ISL1: variants seen among roughly 807,000 people sequenced by gnomAD.
ISL1 encodes the protein ISL LIM homeobox 1, also known as insulin gene enhancer protein ISL-1.
Under a neutral mutation model 35.3 loss-of-function variants are expected in ISL1, and 4 were observed. The ratio of observed to expected loss-of-function variants is 0.11; its 90% CI spans 0.06 to 0.26. ISL1 has a LOEUF of 0.26. ISL1 is among the 10% of genes least tolerant of loss of function. The pLI is 1.00. For missense variants in ISL1, 340 were observed against 472.8 expected, an observed-to-expected ratio of 0.72 and a Z score of 2.60; for synonymous variants, 186 against 172.3, an observed-to-expected ratio of 1.08 and a Z score of -0.62.
At chr5:51,388,789 G>A (rs748362391) in intron 3 of ISL1, among the ~76,000 whole-genome samples, 1 of 152,134 alleles carries the variant, frequency 6.6e-6, no homozygotes, top group Non-Finnish European at 1.5e-5. Context: ...CACGGCTGGG[G>A]TGGTGCTCCT....
At position 51,387,610 on chromosome 5, in the gene ISL1, G is replaced by A; in HGVS notation, c.339G>A (p.Gln113=). 1.9e-6 allele frequency: 3 copies of A among 1,614,258 alleles called. No individual in the cohort carries two copies. Among genetic ancestry groups the A allele is most frequent in the Non-Finnish European group, 2.5e-6 (3 of 1,180,054 alleles). The change falls in exon 3 of 6, where the codon CAG becomes CAA. Residue 113 remains glutamine, a synonymous_variant. Transcript: ENST00000230658. This position sits in a 1 kb window ranked among gnomAD's most constrained non-coding sequence, Gnocchi z 4.3. ...ECFRCVACSR[Q]LIPGDEFALR... ...TCCGCTGTGTGGCCTGCAGCCGCCA[G>A]CTCATCCCTGGGGACGAATTTGCGC... is the stretch of plus-strand genomic sequence containing the variant.
In ISL1 at chr5:51,393,648, A is replaced by C; in HGVS notation, c.*38A>C. 7.6e-7 allele frequency: 1 copy of C among 1,310,210 alleles called. No individual in the cohort carries two copies. The highest frequency in any genetic ancestry group is 1.7e-5 in the Admixed American group (1 of 59,634). The allele number at this position is 1,310,210 out of a possible 1,614,324, so 81.2% of individuals were successfully genotyped here. ...CTGTATTTTTTTTCCCTGTTGGAGA[A>C]AGTGGGAAATTATAATGTCGAACTC... On this transcript the variant is annotated 3_prime_UTR_variant, in exon 6 of 6. Coordinates refer to ENST00000230658, the MANE Select transcript of ISL1 (RefSeq NM_002202.3).
At chr5:51,392,693 G>A (rs867177387) in intron 5 of ISL1, among the ~76,000 whole-genome samples, 8 of 152,204 alleles carry the variant, frequency 5.3e-5, no homozygotes, top group African/African-American at 1.9e-4. Context: ...GGAAGGTAAG[G>A]GGAGGCTTCA....
chr5:51,390,214 T>G (rs1747460080), intron 4 of ISL1, among the ~76,000 whole-genome samples: 1 of 152,186 alleles, frequency 6.6e-6, no homozygotes. Context: ...CCACCTCGCC[T>G]GTACCTGTGA....
At position 51,389,559 on chromosome 5, in the gene ISL1, A is replaced by C. The variant is rs1486016817; in HGVS notation, c.479-87A>C. 6 of 1,244,536 alleles carry C rather than the reference A, an allele frequency of 4.8e-6. No homozygotes were observed. The highest frequency in any genetic ancestry group is 6.2e-6 in the Non-Finnish European group (6 of 965,954). 77.1% of individuals were successfully genotyped at this position (1,244,536 alleles called of 1,614,324 possible). A position where few individuals can be genotyped will look rare whatever the true frequency, so the allele number is the denominator to read the frequency against. ...CAAGTAAGCGGGCGGGCGGGCGGGC[A>C]AGCGAGCGAGCGAGCGAGCGCGCGA... On this transcript the variant is annotated intron_variant, in intron 3 of 5. Transcript: ENST00000230658. This position sits in a 1 kb window ranked among gnomAD's most constrained non-coding sequence, Gnocchi z 5.0.
At chr5:51,390,111 C>T (rs1397906594) in intron 4 of ISL1, among the ~76,000 whole-genome samples, 179 bp downstream of exon 4, 4 of 152,120 alleles carry the variant, frequency 2.6e-5, no homozygotes, top group Admixed American at 1.3e-4. Flanking sequence ...CTACCCGGCG[C>T]CGGCCGCCAG....
rs769238832 is a variant in ISL1 at position 51,393,594 on chromosome 5, G to C, written c.1034G>C (p.Ser345Thr). Residue 345 changes from serine to threonine, a missense_variant, in exon 6 of 6, where the codon AGT becomes ACT. This residue lies in a region of ISL1 where 104 missense variants were observed against 97.3 expected (regional missense o/e 1.07). Transcript: ENST00000230658. Reference protein sequence around the residue: ...LPDTPNSMVASPIEA With the variant: ...LPDTPNSMVATPIEA ...GATACACCTAACAGCATGGTAGCCA[G>C]TCCTATTGAGGCATGAGGAACATTC... is the stretch of plus-strand genomic sequence containing the variant. 8.8e-6 allele frequency: 14 copies of C among 1,596,286 alleles called. No individual in the cohort carries two copies. Among genetic ancestry groups the C allele is most frequent in the Non-Finnish European group, 1.2e-5 (14 of 1,163,730 alleles).
In ISL1 at chr5:51,387,723, A is replaced by T. The variant is rs1417968712; in HGVS notation, c.452A>T (p.His151Leu). The change falls in exon 3 of 6, where the codon CAT (histidine) becomes CTT (leucine). Residue 151 changes from histidine (H) to leucine (L), a missense_variant. His to Leu is a moderately conservative substitution (Grantham distance 99, BLOSUM62 -3). Around this residue, in one of 7 missense-constraint regions of ISL1, gnomAD observed 94 missense variants for 102.1 expected, o/e 0.92. Coordinates refer to ENST00000230658, the MANE Select transcript of ISL1 (RefSeq NM_002202.3). This position sits in a 1 kb window ranked among gnomAD's most constrained non-coding sequence, Gnocchi z 4.3. ...GCTGGCGACCCGCTCAGTCCCCTGC[A>T]TCCAGCGCGGCCACTGCAAATGGCA... ...LGAGDPLSPL[H>L]PARPLQMAAE... 6.2e-7 allele frequency: 1 copy of T among 1,614,054 alleles called. No homozygotes were observed. The highest frequency in any genetic ancestry group is 8.5e-7 in the Non-Finnish European group (1 of 1,180,042).
rs1201378056 is a variant in ISL1, at chr5:51,394,351, G to A, written c.*741G>A. The A allele has an allele frequency of 6.6e-6, 1 of 151,838 alleles. No homozygotes were observed. The highest frequency in any genetic ancestry group is 1.5e-5 in the Non-Finnish European group (1 of 67,970). 9.4% of individuals were successfully genotyped at this position (151,838 alleles called of 1,614,324 possible). On this transcript the variant is annotated 3_prime_UTR_variant, in exon 6 of 6. Coordinates refer to ENST00000230658, the MANE Select transcript of ISL1 (RefSeq NM_002202.3). ...TTTGCCACAAGCGTCTCGGGATTGTGTTTGACTTGTGTCTGTCCAAGAACT... is the reference window on the plus strand; with the variant it reads ...TTTGCCACAAGCGTCTCGGGATTGTATTTGACTTGTGTCTGTCCAAGAACT...
chr5:51,390,636 C>CCTTTTTTTTTTTTTTTTTTTTTTTTTTT (rs1747475980), intron 4 of ISL1, among the ~76,000 whole-genome samples: 1 of 74,328 alleles, frequency 1.3e-5, no homozygotes, highest in African/African-American at 4.2e-5. Flanking sequence ...TCTTTTCTTT[C>CCTTTTTTTTTTTTTTTTTTTTTTTTTTT]TTTTTCTTTT....
chr5:51,386,332 G>A (rs1747340674), intron 2 of ISL1: 2 of 294,908 alleles, frequency 6.8e-6, no homozygotes, highest in South Asian at 6.2e-5. Flanking sequence ...CACATGTGTA[G>A]AAGGAACTAA....
At chr5:51,390,114 G>A (rs1316289905) in intron 4 of ISL1, among the ~76,000 whole-genome samples, 182 bp downstream of exon 4, 1 of 152,096 alleles carries the variant, frequency 6.6e-6, no homozygotes, top group Non-Finnish European at 1.5e-5. Context: ...CCCGGCGCCG[G>A]CCGCCAGCTG....
At position 51,393,921 on chromosome 5, in the gene ISL1, C is replaced by G. The variant is rs928297623; in HGVS notation, c.*311C>G. 4 of 369,140 alleles carry G rather than the reference C, an allele frequency of 1.1e-5. No individual in the cohort carries two copies. The highest frequency in any genetic ancestry group is 8.3e-5 in the African/African-American group (4 of 47,926). 22.9% of individuals were successfully genotyped at this position (369,140 alleles called of 1,614,324 possible). On this transcript the variant is annotated 3_prime_UTR_variant, in exon 6 of 6. Coordinates refer to ENST00000230658, the MANE Select transcript of ISL1 (RefSeq NM_002202.3). Reference sequence around the variant, plus strand: ...GTAGAGGATTTATATTCAAGGATCTCAAAGAAAGCATTTTCATTTCACTGC... The same window carrying G: ...GTAGAGGATTTATATTCAAGGATCTGAAAGAAAGCATTTTCATTTCACTGC...
chr5:51,383,759 C>T (rs1320704384), intron 1 of ISL1, 60 bp downstream of exon 1: 21 of 1,430,712 alleles, frequency 1.5e-5, no homozygotes, highest in Admixed American at 8.4e-5. Flanking sequence ...GGTTCTCTCT[C>T]AGGCACAGGC....
At position 51,389,725 on chromosome 5, in the gene ISL1, T is replaced by C; in HGVS notation, c.558T>C (p.Thr186=). The C allele has an allele frequency of 6.2e-7, 1 of 1,614,110 alleles. No individual in the cohort carries two copies. The highest frequency in any genetic ancestry group is 8.5e-7 in the Non-Finnish European group (1 of 1,180,042). ...KQPEKTTRVR[T]VLNEKQLHTL... ...CGGAGAAGACCACCCGCGTGCGGAC[T>C]GTGCTGAACGAGAAGCAGCTGCACA... The change falls in exon 4 of 6, where the codon ACT becomes ACC. Residue 186 remains threonine, a synonymous_variant. Transcript: ENST00000230658. The surrounding 1 kb of genome is among the most constrained non-coding windows in gnomAD (Gnocchi z 5.0).
Position 51,389,785 on chromosome 5 carries a change from A to T in ISL1, c.618A>T (p.Pro206=). The part of the protein sequence containing the change: ...LRTCYAANPR[P]DALMKEQLVE... Reference sequence around the variant, plus strand: ...CCTGCTACGCCGCAAACCCGCGGCCAGATGCGCTCATGAAGGAGCAACTGG... The same window carrying T: ...CCTGCTACGCCGCAAACCCGCGGCCTGATGCGCTCATGAAGGAGCAACTGG... The change falls in exon 4 of 6, where the codon CCA becomes CCT. Residue 206 remains proline (P), a synonymous_variant. Coordinates refer to ENST00000230658, the MANE Select transcript of ISL1 (RefSeq NM_002202.3). This position sits in a 1 kb window ranked among gnomAD's most constrained non-coding sequence, Gnocchi z 5.0. 1 of 1,614,228 alleles carries T rather than the reference A, an allele frequency of 6.2e-7. No homozygotes were observed. Among genetic ancestry groups the T allele is most frequent in the African/African-American group, 1.3e-5 (1 of 75,076 alleles).
Position 51,391,606 on chromosome 5 carries a change from A to G in ISL1, c.933+165A>G. 4.1e-6 allele frequency: 3 copies of G among 729,030 alleles called. No homozygotes were observed. The Admixed American group carries it at 6.5e-5, about 16-fold the overall frequency. 45.2% of individuals were successfully genotyped at this position (729,030 alleles called of 1,614,324 possible). ...AGAGAAGGGAGACAAATGCAGGGAA[A>G]ACGAACCTCTTGGCATCTTTTTTTT... On this transcript the variant is annotated intron_variant, in intron 5 of 5. Transcript: ENST00000230658.
At chr5:51,393,215 G>A (rs1747558196) in intron 5 of ISL1, among the ~76,000 whole-genome samples, 1 of 152,174 alleles carries the variant, frequency 6.6e-6, no homozygotes, top group African/African-American at 2.4e-5. Context: ...TTTACAGTGG[G>A]AAACACATTT....
Position 51,387,931 on chromosome 5 carries a change from G to A in ISL1, c.478+182G>A, listed in dbSNP as rs1747390159. Among the ~76,000 whole-genome samples the A allele has an allele frequency of 6.6e-6, 1 of 152,240 alleles. No individual in the cohort carries two copies. Among genetic ancestry groups the A allele is most frequent in the South Asian group, 2.1e-4 (1 of 4,834 alleles). On this transcript the variant is annotated intron_variant, in intron 3 of 5. Transcript: ENST00000230658. The surrounding 1 kb of genome is among the most constrained non-coding windows in gnomAD (Gnocchi z 4.3). ...TGCAGCAAGGTTCAATGCACTCACT[G>A]TCTCCCTTGATTCCCCGAGCACACC... is the stretch of plus-strand genomic sequence containing the variant.
Sources: gnomAD v4.1 joint callset for allele counts (sites outside exome capture counted in the v4.1 genomes callset) on GRCh38, gnomAD v4.1.1 for gene constraint, gnomAD v4.1.1 regional missense constraint, Gnocchi (gnomAD v3.1) non-coding constraint, MANE v1.5 for transcripts, NCBI Gene and HGNC (gene_info 2026-07-23, HGNC 2026-07-21) for gene names.